HSD17B12: variants seen among roughly 807,000 people sequenced by gnomAD.
HSD17B12 encodes the protein hydroxysteroid 17-beta dehydrogenase 12, also known as very-long-chain 3-oxoacyl-CoA reductase.
A neutral mutation model predicts 39.3 loss-of-function variants in HSD17B12; 32 were observed. The observed-to-expected ratio is 0.81, with a 90% CI of 0.61 to 1.09. The LOEUF is 1.09. HSD17B12 is among the 50% of genes least tolerant of loss of function. The pLI is 0.00. For missense variants in HSD17B12, 342 were observed against 382.9 expected (o/e 0.89, Z 0.89); for synonymous variants, 150 against 146.7 (o/e 1.02, Z -0.16).
intron 9 of HSD17B12, among the ~76,000 whole-genome samples, chr11:43,844,906 T>G (rs1178239516): frequency 6.6e-6 from 1 of 152,242 alleles, no homozygotes; most frequent in Non-Finnish European, 1.5e-5. Flanking sequence ...ATTTGTCTTA[T>G]CATTGGAGAG....
the HSD17B12 span, among the ~76,000 whole-genome samples, chr11:43,663,445 A>G: frequency 1.5e-4 from 23 of 151,836 alleles, no homozygotes; most frequent in African/African-American, 5.6e-4. Context: ...TTGCCCAGGC[A>G]GGTCTCAAAC....
chr11:43,648,453 C>T, the HSD17B12 span, among the ~76,000 whole-genome samples: 134,578 of 152,012 alleles, frequency 0.89, 61,096 homozygotes, highest in Non-Finnish European at 0.98. Context: ...GCTGTAGCTT[C>T]TTTTTCTGTT....
At chr11:43,692,853 A>AG (rs55772421) in intron 1 of HSD17B12, among the ~76,000 whole-genome samples, 75,792 of 151,658 alleles carry the variant, frequency 0.5, 19,330 homozygotes, top group Non-Finnish European at 0.53. Context: ...AATAGTAAGC[A>AG]TATAGAACCA....
chr11:43,740,394 A>T (rs1950353423), intron 1 of HSD17B12, among the ~76,000 whole-genome samples: 1 of 152,176 alleles, frequency 6.6e-6, no homozygotes, highest in Non-Finnish European at 1.5e-5. Context: ...GTTTACGCTT[A>T]CTTTTCCGGG....
chr11:43,832,429 C>A (rs1347479130), intron 7 of HSD17B12, among the ~76,000 whole-genome samples: 1 of 152,160 alleles, frequency 6.6e-6, no homozygotes, highest in African/African-American at 2.4e-5. Context: ...AATCATTTTA[C>A]AGCATAAAGT....
chr11:43,690,398 A>ATTTT (rs1303064530), intron 1 of HSD17B12, among the ~76,000 whole-genome samples: 1 of 27,480 alleles, frequency 3.6e-5, no homozygotes, highest in Non-Finnish European at 5.7e-5. Context: ...ATATATATAT[A>ATTTT]TATATATTTT....
intron 4 of HSD17B12, among the ~76,000 whole-genome samples, chr11:43,798,706 A>G (rs977439695): frequency 6.6e-6 from 1 of 152,132 alleles, no homozygotes; most frequent in Admixed American, 6.6e-5. Flanking sequence ...CTATGGGTAT[A>G]GGTTCCAGGA....
the HSD17B12 span, among the ~76,000 whole-genome samples, chr11:43,662,490 C>T: frequency 4.1e-5 from 6 of 146,608 alleles, no homozygotes; most frequent in East Asian, 9.9e-4. Flanking sequence ...AATGATCCAC[C>T]CACCTTAGCC....
At chr11:43,706,298 C>T (rs1590677147) in intron 1 of HSD17B12, among the ~76,000 whole-genome samples, 1 of 152,174 alleles carries the variant, frequency 6.6e-6, no homozygotes, top group African/African-American at 2.4e-5. Flanking sequence ...AATCTCAGCA[C>T]TTTGGGAGGC....
At chr11:43,659,861 T>C in the HSD17B12 span, among the ~76,000 whole-genome samples, 2 of 152,214 alleles carry the variant, frequency 1.3e-5, no homozygotes, top group African/African-American at 4.8e-5. Flanking sequence ...ATTTCAGCAC[T>C]GCAGGCTGAG....
chr11:43,739,084 C>T (rs142205308), intron 1 of HSD17B12, among the ~76,000 whole-genome samples: 2 of 152,128 alleles, frequency 1.3e-5, no homozygotes, highest in African/African-American at 2.4e-5. Context: ...CAGGTTACAA[C>T]GAGCAGTTTC....
chr11:43,681,204 T>C, intron 1 of HSD17B12: 1 of 1,298,556 alleles, frequency 7.7e-7, no homozygotes, highest in South Asian at 1.8e-5. Context: ...CACTGCTCGC[T>C]CAATCCTGGG....
chr11:43,584,049 G>A, the HSD17B12 span, among the ~76,000 whole-genome samples: 7 of 152,300 alleles, frequency 4.6e-5, no homozygotes, highest in Middle Eastern at 0.014. Flanking sequence ...GAGGCAGGTG[G>A]CTGGGCCAGG....
the HSD17B12 span, among the ~76,000 whole-genome samples, chr11:43,571,359 C>T: frequency 1.3e-5 from 2 of 152,352 alleles, no homozygotes; most frequent in South Asian, 2.1e-4. Flanking sequence ...CTCAAGTGTG[C>T]TGGAATCCTG....
At chr11:43,794,659 C>T (rs768884101) in intron 3 of HSD17B12, among the ~76,000 whole-genome samples, 1 of 152,166 alleles carries the variant, frequency 6.6e-6, no homozygotes, top group Non-Finnish European at 1.5e-5. Context: ...ACGGAAAGAG[C>T]GTGATCTTGG....
At chr11:43,558,347 T>C in the HSD17B12 span, among the ~76,000 whole-genome samples, 3 of 152,152 alleles carry the variant, frequency 2.0e-5, no homozygotes, top group African/African-American at 4.8e-5. Flanking sequence ...CCCAGAGCTT[T>C]ATGTTTAACG....
the HSD17B12 span, among the ~76,000 whole-genome samples, chr11:43,611,591 G>A: frequency 6.6e-6 from 1 of 152,166 alleles, no homozygotes; most frequent in Non-Finnish European, 1.5e-5. Context: ...GACTGGGTTG[G>A]AGCCTCACTG....
upstream of HSD17B12, among the ~76,000 whole-genome samples, chr11:43,676,726 C>G (rs1949697529): frequency 6.6e-6 from 1 of 152,138 alleles, no homozygotes; most frequent in Non-Finnish European, 1.5e-5. Context: ...CCCTAGGTAC[C>G]AGGCACTGTT....
At chr11:43,708,905 G>A (rs7130849) in intron 1 of HSD17B12, among the ~76,000 whole-genome samples, 76,394 of 152,026 alleles carry the variant, frequency 0.5, 19,650 homozygotes, top group Non-Finnish European at 0.53. Flanking sequence ...CTTCTCGCCC[G>A]TGCTTTTTCT....
Sources: gnomAD v4.1 joint callset for allele counts (sites outside exome capture counted in the v4.1 genomes callset) on GRCh38, gnomAD v4.1.1 for gene constraint, MANE v1.5 for transcripts, NCBI Gene and HGNC (gene_info 2026-07-23, HGNC 2026-07-21) for gene names.